The following USP34 variants were observed in gnomAD, a reference collection of about 807,000 sequenced individuals.
USP34 encodes ubiquitin carboxyl-terminal hydrolase 34.
USP34 carries 70 observed loss-of-function variants against 460.3 expected under a neutral mutation model. That is an observed-to-expected ratio of 0.15 (90% CI 0.13 to 0.19). The LOEUF (loss-of-function observed/expected upper bound fraction) is 0.19. Among genes scored for constraint, USP34 ranks in the 10% least tolerant of loss-of-function variants. The probability of loss-of-function intolerance (pLI) is 1.00; values close to 1 mark genes in which losing one functional copy is unlikely to be tolerated. For synonymous variants in USP34, 1,647 were observed against 1,405.3 expected, an observed-to-expected ratio of 1.17 and a Z score of -3.85; for missense variants, 3,985 against 4,236.2, an observed-to-expected ratio of 0.94 and a Z score of 1.65.
intron 76 of USP34, 155 bp from the exon 77 acceptor site, chr2:61,190,813 A>T: frequency 1.2e-6 from 1 of 864,112 alleles, no homozygotes; most frequent in East Asian, 2.7e-5. Flanking sequence ...TCACCTATTG[A>T]ATTTTTAGTT....
At chr2:61,221,024 T>C (rs1225082802) in intron 66 of USP34, among the ~76,000 whole-genome samples, 1 of 152,156 alleles carries the variant, frequency 6.6e-6, no homozygotes, top group Non-Finnish European at 1.5e-5. Flanking sequence ...CACAGCAAAG[T>C]TGAGTAGTTT....
intron 3 of USP34, among the ~76,000 whole-genome samples, chr2:61,402,965 T>C (rs1035824125): frequency 3.9e-5 from 6 of 152,134 alleles, no homozygotes; most frequent in African/African-American, 1.4e-4. Flanking sequence ...GCCACTGGGA[T>C]AGAAACTAGA....
At position 61,278,043 on chromosome 2, in the gene USP34, T is replaced by C. The variant is rs906385078; in HGVS notation, c.5433+122A>G. On this transcript the variant is annotated intron_variant, in intron 41 of 79. Coordinates refer to ENST00000398571, the MANE Select transcript of USP34 (RefSeq NM_014709.4). ...CTGAGTCGAATTAAACCCTTTTCTTTTGTAAACTGCCCAGTCTCGGGTATG... is the reference window on the plus strand; with the variant it reads ...CTGAGTCGAATTAAACCCTTTTCTTCTGTAAACTGCCCAGTCTCGGGTATG... 8.1e-6 allele frequency: 10 copies of C among 1,238,902 alleles called. No individual in the cohort carries two copies. In the African/African-American group the frequency reaches 1.1e-4, roughly 13 times the overall value. The allele number at this position is 1,238,902 out of a possible 1,614,324, so 76.7% of individuals were successfully genotyped here. A position where few individuals can be genotyped will look rare whatever the true frequency, so the allele number is the denominator to read the frequency against.
intron 49 of USP34, among the ~76,000 whole-genome samples, chr2:61,246,776 T>C (rs1448608489): frequency 6.6e-6 from 1 of 152,078 alleles, no homozygotes; most frequent in Non-Finnish European, 1.5e-5. Context: ...AAAACAACCA[T>C]GTGTTAATAC....
At position 61,295,275 on chromosome 2, in the gene USP34, T is replaced by C. The variant is rs766291393; in HGVS notation, c.4270A>G (p.Asn1424Asp). 3.1e-5 allele frequency: 49 copies of C among 1,603,752 alleles called. 1 individual carries two copies. The highest frequency in any genetic ancestry group is 3.7e-5 in the Non-Finnish European group (44 of 1,176,478). Residue 1424 changes from asparagine (N) to aspartate (D), a missense_variant, in exon 31 of 80, where the codon AAT becomes GAT. Asn to Asp is a conservative substitution (Grantham distance 23, BLOSUM62 1). Transcript: ENST00000398571. ...ISDEQSNDGF[N>D]WKELLKIKSA... ...TTAATTTTGAGAAGTTCTTTCCAAT[T>C]AAATCCATCATTACTCTTAAATTAG...
chr2:61,355,365 A>G (rs908796400), intron 10 of USP34, among the ~76,000 whole-genome samples: 20 of 152,208 alleles, frequency 1.3e-4, no homozygotes, highest in Admixed American at 4.6e-4. Context: ...TATTTTCCAC[A>G]TGATTTAAAA....
intron 76 of USP34, 140 bp from the exon 77 acceptor site, chr2:61,190,798 C>CT: frequency 9.9e-7 from 1 of 1,013,716 alleles, no homozygotes; most frequent in Non-Finnish European, 1.4e-6. Flanking sequence ...AAAGCCATGT[C>CT]TAACTCACCT....
intron 1 of USP34, among the ~76,000 whole-genome samples, chr2:61,455,238 GTA>G (rs1282388906): frequency 4.0e-5 from 6 of 151,774 alleles, no homozygotes; most frequent in Admixed American, 6.6e-5. Context: ...GAGTGCAGTG[GTA>G]CGATCTCAGC....
intron 75 of USP34, among the ~76,000 whole-genome samples, chr2:61,198,815 G>C (rs940350728): frequency 1.3e-5 from 2 of 152,152 alleles, no homozygotes; most frequent in African/African-American, 2.4e-5. Flanking sequence ...GATGCAGTGA[G>C]CCAAGGTCAC....
chr2:61,380,390 C>T (rs1692933892), intron 6 of USP34, 29 bp from the exon 7 acceptor site: 1 of 1,576,984 alleles, frequency 6.3e-7, no homozygotes, highest in Non-Finnish European at 8.6e-7. Flanking sequence ...AGAAAATACA[C>T]AAAAATTCAT....
At chr2:61,308,893 T>A (rs551462892) in intron 27 of USP34, among the ~76,000 whole-genome samples, 2 of 152,054 alleles carry the variant, frequency 1.3e-5, no homozygotes, top group South Asian at 4.2e-4. Flanking sequence ...ATACAAAAAA[T>A]TACCCAGGGA....
chr2:61,359,771 C>T (rs1465641724), intron 10 of USP34, among the ~76,000 whole-genome samples: 1 of 149,560 alleles, frequency 6.7e-6, no homozygotes, highest in African/African-American at 2.4e-5. Flanking sequence ...TATGAAAAGC[C>T]CACAGTTGTT....
intron 34 of USP34, among the ~76,000 whole-genome samples, chr2:61,287,060 A>C (rs765215974): frequency 1.3e-5 from 2 of 152,234 alleles, no homozygotes; most frequent in African/African-American, 4.8e-5. Flanking sequence ...AACACAGTAC[A>C]TTGCAGAATA....
intron 1 of USP34, among the ~76,000 whole-genome samples, chr2:61,433,620 T>A (rs1694737048): frequency 6.6e-6 from 1 of 151,738 alleles, no homozygotes. Context: ...GGCAACAGAG[T>A]AAGACTCCAT....
chr2:61,379,743 T>C (rs1316310672), intron 7 of USP34, among the ~76,000 whole-genome samples: 4 of 152,248 alleles, frequency 2.6e-5, no homozygotes, highest in African/African-American at 9.6e-5. Flanking sequence ...TACTTTGTCC[T>C]ATTTAAAAAC....
chr2:61,340,628 T>C (rs1427613204), intron 16 of USP34, among the ~76,000 whole-genome samples: 1 of 152,168 alleles, frequency 6.6e-6, no homozygotes, highest in Non-Finnish European at 1.5e-5. Flanking sequence ...TATTAAGGTA[T>C]GTGGTAGAAT....
chr2:61,240,927 T>A (rs1688238482), intron 53 of USP34, among the ~76,000 whole-genome samples: 1 of 152,136 alleles, frequency 6.6e-6, no homozygotes, highest in Non-Finnish European at 1.5e-5. Flanking sequence ...AGGGCATGGG[T>A]CTGTATCATG....
intron 1 of USP34, among the ~76,000 whole-genome samples, chr2:61,466,632 C>A (rs960094208): frequency 6.6e-6 from 1 of 152,074 alleles, no homozygotes; most frequent in Non-Finnish European, 1.5e-5. Context: ...AATTTTTAGG[C>A]CAGGCATGCT....
At chr2:61,306,800 A>G (rs1690421068) in intron 27 of USP34, among the ~76,000 whole-genome samples, 1 of 152,198 alleles carries the variant, frequency 6.6e-6, no homozygotes, top group Non-Finnish European at 1.5e-5. Context: ...GCGATCATTA[A>G]AAAGTCAGGA....
Sources: allele counts gnomAD v4.1 joint callset (sites outside exome capture counted in the v4.1 genomes callset), GRCh38; gene constraint gnomAD v4.1.1; transcripts MANE v1.5; gene names NCBI Gene and HGNC (gene_info 2026-07-23, HGNC 2026-07-21).